The following YTHDF3 variants were observed in gnomAD, a reference collection of about 807,000 sequenced individuals.
The protein encoded by YTHDF3 is YTH N6-methyladenosine RNA binding protein F3, also known as YTH domain-containing family protein 3.
A neutral mutation model predicts 52.5 loss-of-function variants in YTHDF3; 9 were observed. The ratio of observed to expected loss-of-function variants is 0.17; its 90% confidence interval spans 0.10 to 0.30. The LOEUF (loss-of-function observed/expected upper bound fraction) is 0.30. Ranked by LOEUF, YTHDF3 falls within the 10% of genes least tolerant of loss-of-function variation. The probability of loss-of-function intolerance (pLI) is 1.00; values close to 1 mark genes in which losing one functional copy is unlikely to be tolerated. For synonymous variants in YTHDF3, 274 were observed against 243.3 expected (o/e 1.13, Z -1.18); for missense variants, 534 against 715.0 (o/e 0.75, Z 2.89).
At chr8:63,185,254 A>G (rs1418465424) in intron 3 of YTHDF3, among the ~76,000 whole-genome samples, 1 of 151,982 alleles carries the variant, frequency 6.6e-6, no homozygotes, top group African/African-American at 2.4e-5. Flanking sequence ...TTATTTTTAT[A>G]TTGTCTAGTA....
intron 4 of YTHDF3, among the ~76,000 whole-genome samples, chr8:63,205,405 C>T (rs1278344805): frequency 1.3e-5 from 2 of 151,786 alleles, no homozygotes; most frequent in African/African-American, 4.8e-5. Context: ...AATGATATCA[C>T]TGATAGCTCA....
intron 4 of YTHDF3, among the ~76,000 whole-genome samples, chr8:63,204,584 A>G (rs1204622850): frequency 6.6e-6 from 1 of 151,236 alleles, no homozygotes; most frequent in Non-Finnish European, 1.5e-5. Context: ...ATGGTCTCGA[A>G]CTCCTCACCT....
intron 4 of YTHDF3, among the ~76,000 whole-genome samples, chr8:63,197,546 A>G (rs1809318785): frequency 6.6e-6 from 1 of 152,202 alleles, no homozygotes; most frequent in Non-Finnish European, 1.5e-5. Flanking sequence ...TACCTTAAGC[A>G]TATTGTTTCA....
At chr8:63,179,361 T>C (rs1051703045) in intron 3 of YTHDF3, among the ~76,000 whole-genome samples, 5 of 152,192 alleles carry the variant, frequency 3.3e-5, no homozygotes, top group African/African-American at 1.2e-4. Flanking sequence ...CAGAGGACCC[T>C]GCGGCCTTCC....
At chr8:63,191,707 G>T (rs1416708922) in intron 4 of YTHDF3, among the ~76,000 whole-genome samples, 1 of 152,052 alleles carries the variant, frequency 6.6e-6, no homozygotes, top group African/African-American at 2.4e-5. Flanking sequence ...TTGGTTGTTT[G>T]TCCCTATAAG....
At position 63,210,654 on chromosome 8, in the gene YTHDF3, C is replaced by CA. The variant is rs1166464654; in HGVS notation, c.*949dup. ...TGTTTAGCAAGCATATGTTGTTCCT[C>CA]AGCTCTTTTCTCCAGCTTTTGCAGT... On this transcript the variant is annotated 3_prime_UTR_variant, in exon 5 of 5. Coordinates refer to ENST00000539294, the MANE Select transcript of YTHDF3 (RefSeq NM_152758.6). 13 of 152,714 alleles carry CA rather than the reference C, an allele frequency of 8.5e-5. No individual in the cohort carries two copies. Among genetic ancestry groups the CA allele is most frequent in the African/African-American group, 2.6e-4 (11 of 41,582 alleles). The allele number at this position is 152,714 out of a possible 1,614,324, so 9.5% of individuals were successfully genotyped here.
intron 4 of YTHDF3, among the ~76,000 whole-genome samples, chr8:63,206,706 C>T (rs368450300): frequency 3.1e-4 from 47 of 152,052 alleles, no homozygotes; most frequent in African/African-American, 1.1e-3. Context: ...GATATCTAGA[C>T]TTCATTTTTT....
intron 3 of YTHDF3, among the ~76,000 whole-genome samples, chr8:63,179,923 G>A (rs1235965125): frequency 6.6e-6 from 1 of 151,356 alleles, no homozygotes; most frequent in African/African-American, 2.4e-5. Flanking sequence ...AGGGGCGGCC[G>A]GGCAGAGGCA....
Position 63,202,364 on chromosome 8 carries a change from A to G in YTHDF3, c.1735-7319A>G, listed in dbSNP as rs532920551. Among the ~76,000 whole-genome samples, 33 of 152,224 alleles carry G rather than the reference A, an allele frequency of 2.2e-4. 1 individual carries two copies. Among genetic ancestry groups the G allele is most frequent in the Middle Eastern group, 3.4e-3 (1 of 292 alleles). ...CTTTTCTTGGGACAGTGCATGCTAG[A>G]AGCTTATCTAAGTATTATTAGCACT... On this transcript the variant is annotated intron_variant, in intron 4 of 4. Coordinates refer to ENST00000539294, the MANE Select transcript of YTHDF3 (RefSeq NM_152758.6).
intron 4 of YTHDF3, among the ~76,000 whole-genome samples, chr8:63,202,969 C>T (rs78680420): frequency 0.099 from 15,010 of 152,010 alleles, 843 homozygotes; most frequent in East Asian, 0.23. Flanking sequence ...CTGCTGGGCA[C>T]GGTGGCTCGT....
intron 2 of YTHDF3, chr8:63,172,624 G>A (rs1294721265): frequency 2.4e-6 from 1 of 417,452 alleles, no homozygotes; most frequent in East Asian, 3.6e-5. Flanking sequence ...GGAGATAGCG[G>A]GTATATGGTA....
intron 3 of YTHDF3, among the ~76,000 whole-genome samples, chr8:63,176,153 A>C (rs1387041826): frequency 6.6e-6 from 1 of 152,054 alleles, no homozygotes; most frequent in Non-Finnish European, 1.5e-5. Flanking sequence ...GAAATAAATG[A>C]AAAAATACAT....
At chr8:63,176,093 T>C (rs1807671643) in intron 3 of YTHDF3, among the ~76,000 whole-genome samples, 1 of 152,216 alleles carries the variant, frequency 6.6e-6, no homozygotes, top group Admixed American at 6.5e-5. Flanking sequence ...GGTATCTGTA[T>C]GCCATTTCTG....
At chr8:63,188,999 C>T (rs1040892768) in intron 4 of YTHDF3, 1 of 151,990 alleles carries the variant, frequency 6.6e-6, no homozygotes, top group East Asian at 1.9e-4. Flanking sequence ...GCATGAGCCA[C>T]TGTGCCTGGC....
intron 3 of YTHDF3, among the ~76,000 whole-genome samples, chr8:63,184,023 G>T (rs1808335536): frequency 6.6e-6 from 1 of 151,984 alleles, no homozygotes; most frequent in Admixed American, 6.6e-5. Flanking sequence ...GTATTGTTTA[G>T]GGAATAATGA....
At chr8:63,203,390 A>G (rs959245530) in intron 4 of YTHDF3, among the ~76,000 whole-genome samples, 1 of 152,152 alleles carries the variant, frequency 6.6e-6, no homozygotes, top group African/African-American at 2.4e-5. Context: ...ATACACACAC[A>G]CATATATTTC....
At chr8:63,194,181 G>A (rs1004210059) in intron 4 of YTHDF3, among the ~76,000 whole-genome samples, 2 of 152,100 alleles carry the variant, frequency 1.3e-5, no homozygotes, top group South Asian at 2.1e-4. Flanking sequence ...CTTTTTGGTC[G>A]TAAATAAACT....
intron 4 of YTHDF3, among the ~76,000 whole-genome samples, chr8:63,191,922 A>T (rs1421329349): frequency 6.7e-6 from 1 of 150,360 alleles, no homozygotes; most frequent in African/African-American, 2.4e-5. Flanking sequence ...GATATTTGGG[A>T]TGTTTTCCTT....
At position 63,187,015 on chromosome 8, in the gene YTHDF3, A is replaced by G. The variant is rs772783105; in HGVS notation, c.1004A>G (p.Gln335Arg). ...PPQPQQQQGPQPQAQPHQVQP... is the reference protein window; with the variant it reads ...PPQPQQQQGPRPQAQPHQVQP... The stretch of plus-strand genomic sequence containing the variant: ...CAACCACAGCAGCAACAAGGACCTC[A>G]GCCACAGGCCCAGCCTCACCAAGTG... The change falls in exon 4 of 5, where the codon CAG becomes CGG. Residue 335 changes from glutamine (Q) to arginine (R), a missense_variant. Coordinates refer to ENST00000539294, the MANE Select transcript of YTHDF3 (RefSeq NM_152758.6). 1.2e-6 allele frequency: 2 copies of G among 1,613,634 alleles called. No individual in the cohort carries two copies.
Sources: gnomAD v4.1 joint callset for allele counts (sites outside exome capture counted in the v4.1 genomes callset) on GRCh38, gnomAD v4.1.1 for gene constraint, MANE v1.5 for transcripts, NCBI Gene and HGNC (gene_info 2026-07-23, HGNC 2026-07-21) for gene names.